Variants in LRMDA observed in about 807,000 individuals in gnomAD.
LRMDA encodes leucine rich melanocyte differentiation associated, also known as leucine-rich melanocyte differentiation-associated protein.
A neutral mutation model predicts 29.8 loss-of-function variants in LRMDA; 18 were observed. The ratio of observed to expected loss-of-function variants is 0.60; its 90% CI spans 0.42 to 0.90. The LOEUF (loss-of-function observed/expected upper bound fraction) is 0.90, where lower values mean the gene tolerates loss of function less well. LRMDA is among the 40% of genes least tolerant of loss of function. The pLI, the probability that LRMDA is intolerant of heterozygous loss-of-function variation, is 0.00. For synonymous variants in LRMDA, 125 were observed against 109.4 expected, an observed-to-expected ratio of 1.14 and a Z score of -0.89; for missense variants, 273 against 273.9, an observed-to-expected ratio of 1.00 and a Z score of 0.02.
intron 6 of LRMDA, among the ~76,000 whole-genome samples, chr10:76,358,045 GCC>G (rs915185952): frequency 1.3e-5 from 2 of 152,072 alleles, no homozygotes; most frequent in Non-Finnish European, 2.9e-5. Flanking sequence ...ATCAGAGACC[GCC>G]ATCCCATATG....
chr10:75,463,628 C>T (rs1390776616), intron 2 of LRMDA, among the ~76,000 whole-genome samples: 2 of 151,992 alleles, frequency 1.3e-5, no homozygotes, highest in Non-Finnish European at 2.9e-5. Flanking sequence ...GCTGGGATTA[C>T]AGGTGCATGC....
At chr10:76,254,418 A>ATGCTATGCTATG (rs1564701610) in intron 5 of LRMDA, among the ~76,000 whole-genome samples, 7 of 64,974 alleles carry the variant, frequency 1.1e-4, no homozygotes, top group East Asian at 4.6e-4. Context: ...GCTATGCTAT[A>ATGCTATGCTATG]CTATACTATA....
At chr10:75,733,545 T>TC (rs1437225605) in intron 2 of LRMDA, among the ~76,000 whole-genome samples, 2 of 152,202 alleles carry the variant, frequency 1.3e-5, no homozygotes, top group African/African-American at 2.4e-5. Context: ...GACTTTTTTT[T>TC]CCCACACAGA....
At position 75,601,651 on chromosome 10, in the gene LRMDA, G is replaced by C. The variant is rs558879271; in HGVS notation, c.131+163157G>C. 1.4e-4 allele frequency among the ~76,000 whole-genome samples: 22 copies of C among 152,184 alleles called. No homozygotes were observed. In the South Asian group the frequency reaches 4.6e-3, roughly 32 times the overall value. ...GGACTTGCTTTCCATTGGTAATTTG[G>C]TATTAAATTTTGGTAATAAAAAATT... On this transcript the variant is annotated intron_variant, in intron 2 of 6. Coordinates refer to ENST00000611255, the MANE Select transcript of LRMDA (RefSeq NM_001305581.2).
intron 5 of LRMDA, among the ~76,000 whole-genome samples, chr10:76,143,153 C>T (rs548294367): frequency 1.1e-4 from 16 of 152,214 alleles, no homozygotes; most frequent in Non-Finnish European, 1.6e-4. Context: ...TGTAAACATA[C>T]GTGTGCATGT....
chr10:76,477,847 A>T (rs1842692457), intron 6 of LRMDA, among the ~76,000 whole-genome samples: 1 of 152,228 alleles, frequency 6.6e-6, no homozygotes, highest in Non-Finnish European at 1.5e-5. Context: ...CTGGCTAGCC[A>T]TATGTAGAAA....
intron 5 of LRMDA, among the ~76,000 whole-genome samples, chr10:76,227,531 G>A (rs552633672): frequency 6.6e-6 from 1 of 152,304 alleles, no homozygotes; most frequent in East Asian, 1.9e-4. Flanking sequence ...GTTGTGGATA[G>A]TAGTGAATTT....
chr10:76,390,180 G>A (rs376888439), intron 6 of LRMDA, among the ~76,000 whole-genome samples: 66 of 152,146 alleles, frequency 4.3e-4, no homozygotes, highest in African/African-American at 1.4e-3. Flanking sequence ...TTGTTTGCTC[G>A]CTTTTAAAAA....
At chr10:76,214,955 A>T (rs531929745) in intron 5 of LRMDA, among the ~76,000 whole-genome samples, 1 of 152,350 alleles carries the variant, frequency 6.6e-6, no homozygotes, top group South Asian at 2.1e-4. Context: ...CACCTGCCAC[A>T]TAACTAATGG....
At chr10:75,461,296 T>C (rs1014087183) in intron 2 of LRMDA, among the ~76,000 whole-genome samples, 5 of 152,220 alleles carry the variant, frequency 3.3e-5, no homozygotes, top group African/African-American at 1.2e-4. Context: ...TCCAGTTTCT[T>C]CTCTGTGTCC....
intron 2 of LRMDA, among the ~76,000 whole-genome samples, chr10:75,873,708 A>T (rs1589236570): frequency 1.3e-5 from 2 of 152,178 alleles, no homozygotes; most frequent in Middle Eastern, 3.4e-3. Context: ...ATTATTATTT[A>T]GTGTGTTGAT....
intron 5 of LRMDA, among the ~76,000 whole-genome samples, chr10:76,181,835 G>T (rs1200914840): frequency 6.6e-6 from 1 of 152,206 alleles, no homozygotes; most frequent in Non-Finnish European, 1.5e-5. Flanking sequence ...AGGGGTGCTT[G>T]TTGTCTAGAA....
intron 2 of LRMDA, among the ~76,000 whole-genome samples, chr10:75,613,116 A>ATTTT (rs5786181): frequency 1.3e-5 from 2 of 148,632 alleles, no homozygotes; most frequent in Non-Finnish European, 1.5e-5. Flanking sequence ...AACCTTGCCA[A>ATTTT]TTTTTTTTTT....
chr10:75,567,262 A>G (rs1430337), intron 2 of LRMDA, among the ~76,000 whole-genome samples: 114,225 of 152,122 alleles, frequency 0.75, 42,966 homozygotes, highest in East Asian at 0.85. Context: ...GGCCTTCCAC[A>G]TTCAGGTGCC....
chr10:75,547,652 A>G (rs1017008880), intron 2 of LRMDA, among the ~76,000 whole-genome samples: 17 of 152,242 alleles, frequency 1.1e-4, no homozygotes, highest in African/African-American at 3.9e-4. Context: ...CTCAAGCCAC[A>G]TGTGTTTATG....
intron 6 of LRMDA, among the ~76,000 whole-genome samples, chr10:76,378,350 T>C (rs1329907522): frequency 6.6e-6 from 1 of 151,802 alleles, no homozygotes; most frequent in Non-Finnish European, 1.5e-5. Context: ...TTTGACTTCC[T>C]CTTTCCCAAT....
chr10:76,546,323 C>G (rs1036922846), intron 6 of LRMDA, among the ~76,000 whole-genome samples: 1 of 152,168 alleles, frequency 6.6e-6, no homozygotes, highest in Non-Finnish European at 1.5e-5. Flanking sequence ...AGCTAATCTC[C>G]TAACTGTACT....
At position 76,173,364 on chromosome 10, in the gene LRMDA, CAGAAAAG is replaced by C. The variant is rs558435708; in HGVS notation, c.516+114589_516+114595del. Among the ~76,000 whole-genome samples the C allele has an allele frequency of 2.5e-3, 385 of 152,050 alleles. 1 individual carries two copies. The highest frequency in any genetic ancestry group is 6.1e-3 in the African/African-American group (254 of 41,476). On this transcript the variant is annotated intron_variant, in intron 5 of 6. Transcript: ENST00000611255. ...AAGGTACAAACAGAAATCAGTGAAA[CAGAAAAG>C]AGAAAAGCAAAAGAGAAAAATCAAT...
chr10:76,503,882 C>CT (rs1170664006), intron 6 of LRMDA, among the ~76,000 whole-genome samples: 3,684 of 133,574 alleles, frequency 0.028, 141 homozygotes, highest in African/African-American at 0.084. Context: ...GGGGTTGGTT[C>CT]TTTTTTTTTT....
Sources: allele counts gnomAD v4.1 joint callset (sites outside exome capture counted in the v4.1 genomes callset), GRCh38; gene constraint gnomAD v4.1.1; transcripts MANE v1.5; gene names NCBI Gene and HGNC (gene_info 2026-07-23, HGNC 2026-07-21).